CYP2C19: variants seen among roughly 807,000 people sequenced by gnomAD.
The protein encoded by CYP2C19 is cytochrome P450 2C19.
Under a neutral mutation model 40.9 loss-of-function variants are expected in CYP2C19, and 59 were observed. That is an observed-to-expected ratio of 1.44 (90% CI 1.17 to 1.79). CYP2C19 has a LOEUF of 1.79. CYP2C19 is among the 40% of genes most tolerant of loss of function. The pLI is 0.00. For missense variants in CYP2C19, 754 were observed against 596.9 expected (o/e 1.26, Z -2.74); for synonymous variants, 253 against 208.7 (o/e 1.21, Z -1.83).
intron 3 of CYP2C19, among the ~76,000 whole-genome samples, chr10:94,778,124 A>C (rs1848434760): frequency 6.6e-6 from 1 of 152,184 alleles, no homozygotes; most frequent in Admixed American, 6.5e-5. Flanking sequence ...GTTTTTATTC[A>C]GTGCAGGCAC....
At chr10:94,793,118 T>C (rs1184596252) in intron 5 of CYP2C19, among the ~76,000 whole-genome samples, 1 of 152,196 alleles carries the variant, frequency 6.6e-6, no homozygotes, top group Non-Finnish European at 1.5e-5. Context: ...CTTCAGTCTC[T>C]GATACCCTTT....
At chr10:94,843,153 C>T in intron 7 of CYP2C19, 129 bp downstream of exon 7, 1 of 1,143,506 alleles carries the variant, frequency 8.7e-7, no homozygotes, top group South Asian at 1.3e-5. Flanking sequence ...TTTAATTGGA[C>T]TTTCTGTTGA....
chr10:94,800,693 C>G (rs1848751803), intron 5 of CYP2C19, among the ~76,000 whole-genome samples: 1 of 152,180 alleles, frequency 6.6e-6, no homozygotes. Flanking sequence ...GCTTCCCAGC[C>G]CCTTTGTTTA....
intron 3 of CYP2C19, among the ~76,000 whole-genome samples, chr10:94,779,072 A>G (rs1299271009): frequency 1.3e-5 from 2 of 152,066 alleles, no homozygotes; most frequent in Admixed American, 1.3e-4. Context: ...ATGAGAACAC[A>G]TGGACACAGG....
chr10:94,822,489 G>C (rs1247809782), intron 6 of CYP2C19, among the ~76,000 whole-genome samples: 1 of 152,124 alleles, frequency 6.6e-6, no homozygotes, highest in Non-Finnish European at 1.5e-5. Context: ...GGGCACTTAA[G>C]TTGATTCCAT....
chr10:94,836,863 G>A (rs1206510016), intron 6 of CYP2C19, among the ~76,000 whole-genome samples: 1 of 152,214 alleles, frequency 6.6e-6, no homozygotes, highest in Non-Finnish European at 1.5e-5. Context: ...AATCATCCAC[G>A]TACTGAAGGA....
At chr10:94,826,417 G>A (rs1413062494) in intron 6 of CYP2C19, among the ~76,000 whole-genome samples, 1 of 152,138 alleles carries the variant, frequency 6.6e-6, no homozygotes, top group African/African-American at 2.4e-5. Context: ...TCTCTTTGAA[G>A]CAATTGTGAA....
chr10:94,826,115 G>A (rs955165960), intron 6 of CYP2C19, among the ~76,000 whole-genome samples: 5 of 151,946 alleles, frequency 3.3e-5, no homozygotes, highest in African/African-American at 1.2e-4. Context: ...TTGTTCTTTT[G>A]GCTTAGGAAT....
intron 5 of CYP2C19, among the ~76,000 whole-genome samples, chr10:94,793,793 GC>G (rs1363996762): frequency 3.3e-5 from 5 of 152,158 alleles, no homozygotes; most frequent in African/African-American, 1.2e-4. Flanking sequence ...TCCCAGTTAG[GC>G]TACTCGGGAG....
intron 6 of CYP2C19, among the ~76,000 whole-genome samples, chr10:94,828,930 T>G (rs1437826681): frequency 6.6e-6 from 1 of 151,794 alleles, no homozygotes; most frequent in African/African-American, 2.4e-5. Flanking sequence ...TGAAGCTTAG[T>G]TTGGCTGGAT....
intron 6 of CYP2C19, among the ~76,000 whole-genome samples, chr10:94,841,018 G>T (rs771883037): frequency 1.3e-5 from 2 of 152,152 alleles, no homozygotes; most frequent in African/African-American, 2.4e-5. Flanking sequence ...TTACCAAGGG[G>T]GTCCTTGCTC....
rs148653810 is a variant in CYP2C19, at chr10:94,773,446, G to C, written c.169-1612G>C. 3.1e-3 allele frequency among the ~76,000 whole-genome samples: 475 copies of C among 152,140 alleles called. 4 individuals carry two copies. Among genetic ancestry groups the C allele is most frequent in the African/African-American group, 0.011 (452 of 41,516 alleles). The stretch of plus-strand genomic sequence containing the variant: ...GACCTTCACAGTGAATATTACAGCT[G>C]TTAAAGATGGCACATCCAGAGTTGT... On this transcript the variant is annotated intron_variant, in intron 1 of 8. Transcript: ENST00000371321.
chr10:94,852,668 A>G, intron 8 of CYP2C19, 65 bp from the exon 9 acceptor site: 1 of 1,549,380 alleles, frequency 6.5e-7, no homozygotes, highest in Non-Finnish European at 8.9e-7. Context: ...AGTTATAGAG[A>G]CAGTGTTTGT....
Position 94,782,015 on chromosome 10 carries a change from G to A in CYP2C19, c.819+18G>A, listed in dbSNP as rs776655506. 6.5e-7 allele frequency: 1 copy of A among 1,527,450 alleles called. No individual in the cohort carries two copies. The highest frequency in any genetic ancestry group is 1.4e-5 in the South Asian group (1 of 74,054). The allele number at this position is 1,527,450 out of a possible 1,614,324, so 94.6% of individuals were successfully genotyped here. On this transcript the variant is annotated intron_variant, in intron 5 of 8. Coordinates refer to ENST00000371321, the MANE Select transcript of CYP2C19 (RefSeq NM_000769.4). ...TGGAGAAGGTAAAATGTTAACAAAA[G>A]CTTAGTTATGTGACTGCTTGCGTAT...
At chr10:94,843,665 A>C (rs903865193) in intron 7 of CYP2C19, among the ~76,000 whole-genome samples, 2 of 152,262 alleles carry the variant, frequency 1.3e-5, no homozygotes, top group South Asian at 4.1e-4. Context: ...TTATCTCTAG[A>C]TTCATTGGAA....
Position 94,768,935 on chromosome 10 carries a change from G to T in CYP2C19, c.168+6062G>T, listed in dbSNP as rs1168626036. On this transcript the variant is annotated intron_variant, in intron 1 of 8. Transcript: ENST00000371321. ...CTACTAGATGAGTATTTGCCCTCTGGGTTTCCTTGATTAGAGTACAGAGGG... is the reference window on the plus strand; with the variant it reads ...CTACTAGATGAGTATTTGCCCTCTGTGTTTCCTTGATTAGAGTACAGAGGG... Among the ~76,000 whole-genome samples the T allele has an allele frequency of 2.6e-5, 4 of 152,126 alleles. No individual in the cohort carries two copies. The East Asian group carries it at 7.7e-4, about 29-fold the overall frequency.
chr10:94,764,511 G>T (rs182867881), intron 1 of CYP2C19, among the ~76,000 whole-genome samples: 4 of 152,080 alleles, frequency 2.6e-5, no homozygotes, highest in African/African-American at 9.7e-5. Flanking sequence ...AAGCCCAGCC[G>T]GCTTCACCTC....
intron 5 of CYP2C19, among the ~76,000 whole-genome samples, chr10:94,796,058 T>C (rs764051500): frequency 6.6e-6 from 1 of 152,122 alleles, no homozygotes; most frequent in Non-Finnish European, 1.5e-5. Flanking sequence ...GTGTTTTAGA[T>C]GTGAAGTCCT....
chr10:94,834,873 C>T (rs2134280661), intron 6 of CYP2C19, among the ~76,000 whole-genome samples: 1 of 152,270 alleles, frequency 6.6e-6, no homozygotes. Flanking sequence ...GCTAGGAAAT[C>T]CAGCTAGTCC....
Sources: gnomAD v4.1 joint callset for allele counts (sites outside exome capture counted in the v4.1 genomes callset) on GRCh38, gnomAD v4.1.1 for gene constraint, MANE v1.5 for transcripts, NCBI Gene and HGNC (gene_info 2026-07-23, HGNC 2026-07-21) for gene names.